Variants in DLGAP2 observed in about 807,000 individuals in gnomAD.
DLGAP2 encodes disks large-associated protein 2.
A neutral mutation model predicts 100.3 loss-of-function variants in DLGAP2; 26 were observed. The ratio of observed to expected loss-of-function variants is 0.26; its 90% CI spans 0.19 to 0.36. The LOEUF (loss-of-function observed/expected upper bound fraction) is 0.36, where lower values mean the gene tolerates loss of function less well. Among genes scored for constraint, DLGAP2 ranks in the 10% least tolerant of loss-of-function variants. The pLI is 1.00. For missense variants in DLGAP2, 1,858 were observed against 1,453.2 expected, an observed-to-expected ratio of 1.28 and a Z score of -4.53; for synonymous variants, 886 against 630.1, an observed-to-expected ratio of 1.41 and a Z score of -6.08.
At chr8:1,535,899 T>C (rs1801139719) in intron 4 of DLGAP2, among the ~76,000 whole-genome samples, 1 of 152,076 alleles carries the variant, frequency 6.6e-6, no homozygotes, top group Non-Finnish European at 1.5e-5. Context: ...GGATGGATGG[T>C]GTTGGTGGTC....
At chr8:1,698,945 A>C (rs1799490861) in intron 14 of DLGAP2, among the ~76,000 whole-genome samples, 1 of 152,054 alleles carries the variant, frequency 6.6e-6, no homozygotes, top group Admixed American at 6.5e-5. Context: ...TGCATAAGCC[A>C]TGCATGGGAC....
intron 1 of DLGAP2, among the ~76,000 whole-genome samples, chr8:843,729 G>A (rs1585922897): frequency 6.6e-6 from 1 of 152,344 alleles, no homozygotes; most frequent in East Asian, 1.9e-4. Context: ...TGAAAGCTGT[G>A]TCGCTGCATT....
chr8:1,647,063 GCCA>G (rs1426427485), intron 8 of DLGAP2, among the ~76,000 whole-genome samples: 9 of 152,166 alleles, frequency 5.9e-5, no homozygotes, highest in Admixed American at 3.9e-4. Context: ...GGGCATGGAG[GCCA>G]CCACCATTGA....
intron 7 of DLGAP2, 38 bp from the exon 8 acceptor site, chr8:1,632,789 G>A: frequency 1.3e-6 from 2 of 1,556,616 alleles, no homozygotes; most frequent in Non-Finnish European, 1.7e-6. Flanking sequence ...GGTGACCCTG[G>A]AGGGCCGGGG....
At chr8:819,393 A>C (rs777457050) in intron 1 of DLGAP2, among the ~76,000 whole-genome samples, 1 of 152,236 alleles carries the variant, frequency 6.6e-6, no homozygotes, top group Non-Finnish European at 1.5e-5. Flanking sequence ...AGATATGATC[A>C]GAAACTCAAC....
intron 5 of DLGAP2, among the ~76,000 whole-genome samples, chr8:1,565,171 C>T (rs772201449): frequency 3.3e-5 from 5 of 152,214 alleles, no homozygotes; most frequent in Non-Finnish European, 5.9e-5. Flanking sequence ...GGGCAAGATC[C>T]TTTTGCAACT....
chr8:1,272,498 T>A (rs1435253556), intron 3 of DLGAP2, among the ~76,000 whole-genome samples: 1 of 152,116 alleles, frequency 6.6e-6, no homozygotes, highest in Non-Finnish European at 1.5e-5. Flanking sequence ...ATAAACGTTT[T>A]ATATAGAATA....
chr8:1,676,189 A>G (rs1798806956), intron 10 of DLGAP2, among the ~76,000 whole-genome samples: 2 of 152,152 alleles, frequency 1.3e-5, no homozygotes, highest in Non-Finnish European at 2.9e-5. Flanking sequence ...TACTTTCTTC[A>G]CCATAGGGCG....
At chr8:1,132,270 G>A (rs563603260) in intron 2 of DLGAP2, among the ~76,000 whole-genome samples, 3 of 152,166 alleles carry the variant, frequency 2.0e-5, no homozygotes, top group Non-Finnish European at 2.9e-5. Context: ...GATTTTTATT[G>A]CAAAATCTCT....
chr8:1,091,008 C>G (rs888102329), intron 2 of DLGAP2, among the ~76,000 whole-genome samples: 1 of 152,180 alleles, frequency 6.6e-6, no homozygotes, highest in African/African-American at 2.4e-5. Context: ...ACGTTAACTT[C>G]AGCTTGAGGG....
At chr8:989,455 C>G (rs1354960176) in intron 2 of DLGAP2, among the ~76,000 whole-genome samples, 2 of 152,186 alleles carry the variant, frequency 1.3e-5, no homozygotes, top group East Asian at 3.8e-4. Flanking sequence ...TGGGCGGCTT[C>G]ACTTCCTCTG....
chr8:1,354,332 C>T (rs937050347), intron 3 of DLGAP2, among the ~76,000 whole-genome samples: 15 of 152,054 alleles, frequency 9.9e-5, no homozygotes, highest in African/African-American at 3.1e-4. Flanking sequence ...ATGGCAAAAC[C>T]CCATCTCTTC....
chr8:741,239 G>T (rs1187865725), intron 1 of DLGAP2, among the ~76,000 whole-genome samples: 2 of 152,186 alleles, frequency 1.3e-5, no homozygotes, highest in Non-Finnish European at 2.9e-5. Flanking sequence ...ACCAGGCATG[G>T]GGTCGTAGGG....
chr8:1,026,029 C>T (rs867089483), intron 2 of DLGAP2, among the ~76,000 whole-genome samples: 7 of 152,216 alleles, frequency 4.6e-5, no homozygotes, highest in Middle Eastern at 3.2e-3. Flanking sequence ...CAGAAGGCTC[C>T]GGCCCGTCCA....
intron 6 of DLGAP2, among the ~76,000 whole-genome samples, chr8:1,566,716 T>C (rs910347632): frequency 1.3e-5 from 2 of 152,208 alleles, no homozygotes; most frequent in Non-Finnish European, 2.9e-5. Flanking sequence ...CTCCCTGTAT[T>C]GTCTCTATCC....
chr8:1,173,466 T>A (rs1250361800), intron 2 of DLGAP2, among the ~76,000 whole-genome samples: 1 of 152,196 alleles, frequency 6.6e-6, no homozygotes, highest in Non-Finnish European at 1.5e-5. Flanking sequence ...TTTTTGTTTG[T>A]CTGTGCCCTG....
chr8:940,970 G>A (rs1584907730), intron 2 of DLGAP2, among the ~76,000 whole-genome samples: 1 of 152,142 alleles, frequency 6.6e-6, no homozygotes, highest in Admixed American at 6.5e-5. Context: ...GAGCAGCGGG[G>A]TCACAGTTCA....
At chr8:1,484,139 C>T (rs1177829503) in intron 3 of DLGAP2, among the ~76,000 whole-genome samples, 2 of 152,214 alleles carry the variant, frequency 1.3e-5, no homozygotes, top group African/African-American at 4.8e-5. Flanking sequence ...TGCCAGAGAG[C>T]AGCCAGGGCA....
intron 2 of DLGAP2, among the ~76,000 whole-genome samples, chr8:1,228,226 A>G (rs1262096824): frequency 6.6e-6 from 1 of 152,168 alleles, no homozygotes; most frequent in Non-Finnish European, 1.5e-5. Context: ...TTAAAGTATA[A>G]TAAAATAAAA....
Sources: gnomAD v4.1 joint callset for allele counts (sites outside exome capture counted in the v4.1 genomes callset) on GRCh38, gnomAD v4.1.1 for gene constraint, MANE v1.5 for transcripts, NCBI Gene and HGNC (gene_info 2026-07-23, HGNC 2026-07-21) for gene names.